Variants in CTDSPL2 observed in about 807,000 individuals in gnomAD.
CTDSPL2 encodes CTD small phosphatase like 2, also known as CTD small phosphatase-like protein 2.
A neutral mutation model predicts 60.0 loss-of-function variants in CTDSPL2; 5 were observed. The ratio of observed to expected loss-of-function variants is 0.08; its 90% CI spans 0.04 to 0.18. The LOEUF (loss-of-function observed/expected upper bound fraction) is 0.18. Ranked by LOEUF, CTDSPL2 falls within the 10% of genes least tolerant of loss-of-function variation. CTDSPL2 has a pLI of 1.00. For missense variants in CTDSPL2, 370 were observed against 548.8 expected, an observed-to-expected ratio of 0.67 and a Z score of 3.26; for synonymous variants, 186 against 189.3, an observed-to-expected ratio of 0.98 and a Z score of 0.14.
At chr15:44,464,501 T>C (rs926403137) in intron 2 of CTDSPL2, among the ~76,000 whole-genome samples, 32 of 152,170 alleles carry the variant, frequency 2.1e-4, no homozygotes, top group Non-Finnish European at 7.3e-5. Flanking sequence ...TTTATTATTG[T>C]CTGTCAAAGT....
chr15:44,446,989 GTGAGCCAC>G lies in CTDSPL2; in HGVS notation c.-24-11999_-24-11992del, dbSNP rs758657041. ...AGGCTGGTCTCGAACTCCAGACCTCGTGAGCCACTGCACCCAGCCTGGTAACTTTTTAA... is the reference window on the plus strand; with the variant it reads ...AGGCTGGTCTCGAACTCCAGACCTCGTGCACCCAGCCTGGTAACTTTTTAA... On this transcript the variant is annotated intron_variant, in intron 1 of 12. Transcript: ENST00000260327. Among the ~76,000 whole-genome samples the G allele has an allele frequency of 2.0e-5, 3 of 151,736 alleles. No individual in the cohort carries two copies. In the East Asian group the frequency reaches 5.9e-4, roughly 30 times the overall value.
chr15:44,496,324 A>G (rs1178381299), intron 5 of CTDSPL2, 56 bp from the exon 6 acceptor site: 3 of 1,141,570 alleles, frequency 2.6e-6, no homozygotes, highest in Middle Eastern at 2.0e-4. Context: ...GTAAAAATAT[A>G]TATTTCATGA....
chr15:44,433,457 T>TAC (rs920603099), intron 1 of CTDSPL2, among the ~76,000 whole-genome samples: 29 of 101,324 alleles, frequency 2.9e-4, no homozygotes, highest in African/African-American at 1.2e-3. Flanking sequence ...TATACATATA[T>TAC]ATACACACAC....
intron 2 of CTDSPL2, among the ~76,000 whole-genome samples, chr15:44,481,211 A>G (rs1403770470): frequency 2.6e-5 from 4 of 152,202 alleles, no homozygotes; most frequent in East Asian, 1.9e-4. Flanking sequence ...AGGCATTTCA[A>G]TGAATTATTC....
intron 2 of CTDSPL2, among the ~76,000 whole-genome samples, chr15:44,479,077 CA>C (rs528316321): frequency 0.038 from 5,253 of 137,452 alleles, 308 homozygotes; most frequent in African/African-American, 0.13. Flanking sequence ...AACAAACAAA[CA>C]AAAAAAAAAA....
At chr15:44,444,510 A>G (rs188547929) in intron 1 of CTDSPL2, among the ~76,000 whole-genome samples, 134 of 151,874 alleles carry the variant, frequency 8.8e-4, no homozygotes, top group Admixed American at 4.6e-3. Flanking sequence ...ACACCTGGCT[A>G]ATTTTTTGTA....
intron 10 of CTDSPL2, chr15:44,516,728 A>G (rs2081659929): frequency 6.6e-6 from 1 of 152,254 alleles, no homozygotes; most frequent in African/African-American, 2.4e-5. Context: ...ACAATGTGTT[A>G]TAAATTAACA....
At chr15:44,467,350 T>G (rs1425078642) in intron 2 of CTDSPL2, among the ~76,000 whole-genome samples, 2 of 152,226 alleles carry the variant, frequency 1.3e-5, no homozygotes, top group African/African-American at 4.8e-5. Context: ...TGTATTACCA[T>G]GTTCAGTAGC....
intron 2 of CTDSPL2, among the ~76,000 whole-genome samples, chr15:44,477,360 C>T (rs2080939286): frequency 6.6e-6 from 1 of 151,680 alleles, no homozygotes; most frequent in African/African-American, 2.4e-5. Flanking sequence ...TAGCAAAACC[C>T]CGTCTCTACA....
At chr15:44,489,587 T>C (rs1231478489) in intron 4 of CTDSPL2, among the ~76,000 whole-genome samples, 1 of 152,232 alleles carries the variant, frequency 6.6e-6, no homozygotes, top group Non-Finnish European at 1.5e-5. Flanking sequence ...GTCCAGGTTA[T>C]AGCTATGGTA....
chr15:44,470,097 CAAAAAAAAAAA>C, intron 2 of CTDSPL2, among the ~76,000 whole-genome samples: 1 of 54,162 alleles, frequency 1.8e-5, no homozygotes, highest in South Asian at 6.9e-4. Context: ...GACTCTGTCT[CAAAAAAAAAAA>C]AAAAAAAAAA....
chr15:44,523,403 CA>C (rs1369028785), intron 12 of CTDSPL2, among the ~76,000 whole-genome samples: 1 of 137,672 alleles, frequency 7.3e-6, no homozygotes, highest in Non-Finnish European at 1.7e-5. Flanking sequence ...TACATACATA[CA>C]TACATACATA....
At chr15:44,440,920 T>G (rs1053531984) in intron 1 of CTDSPL2, among the ~76,000 whole-genome samples, 1 of 152,176 alleles carries the variant, frequency 6.6e-6, no homozygotes, top group Non-Finnish European at 1.5e-5. Flanking sequence ...AGTGCGCCAT[T>G]GGCTTCAAAT....
intron 8 of CTDSPL2, among the ~76,000 whole-genome samples, chr15:44,501,288 ACTT>A (rs1333467934): frequency 1.3e-5 from 2 of 152,096 alleles, no homozygotes; most frequent in African/African-American, 2.4e-5. Context: ...TTTTGAGATG[ACTT>A]CTTAAGCTTC....
At chr15:44,482,435 G>C (rs1299983163) in intron 2 of CTDSPL2, among the ~76,000 whole-genome samples, 1 of 152,150 alleles carries the variant, frequency 6.6e-6, no homozygotes, top group East Asian at 1.9e-4. Context: ...CAGAATGCAA[G>C]GTTTTCATGA....
chr15:44,479,394 C>G (rs1809972373), intron 2 of CTDSPL2, among the ~76,000 whole-genome samples: 2 of 142,876 alleles, frequency 1.4e-5, no homozygotes, highest in African/African-American at 5.2e-5. Flanking sequence ...CTGTATGTCT[C>G]ATATTTTCTT....
intron 8 of CTDSPL2, among the ~76,000 whole-genome samples, chr15:44,508,067 A>G (rs2081501551): frequency 6.6e-6 from 1 of 151,700 alleles, no homozygotes; most frequent in South Asian, 2.1e-4. Context: ...AGTTAATTGT[A>G]GCATCTCATT....
At chr15:44,428,869 A>C (rs1241416885) in intron 1 of CTDSPL2, among the ~76,000 whole-genome samples, 1 of 152,132 alleles carries the variant, frequency 6.6e-6, no homozygotes, top group Non-Finnish European at 1.5e-5. Context: ...ATATTTCTTT[A>C]CTTTTTCTTT....
At chr15:44,488,126 G>GA (rs1255790922) in intron 4 of CTDSPL2, among the ~76,000 whole-genome samples, 1 of 149,292 alleles carries the variant, frequency 6.7e-6, no homozygotes, top group Non-Finnish European at 1.5e-5. Context: ...AAAAAAAAAA[G>GA]AAAAAGGAAT....
Sources: gnomAD v4.1 joint callset for allele counts (sites outside exome capture counted in the v4.1 genomes callset) on GRCh38, gnomAD v4.1.1 for gene constraint, MANE v1.5 for transcripts, NCBI Gene and HGNC (gene_info 2026-07-23, HGNC 2026-07-21) for gene names.